CHIC2: variants seen among roughly 807,000 people sequenced by gnomAD.
CHIC2 encodes cysteine rich hydrophobic domain 2, also known as cysteine-rich hydrophobic domain-containing protein 2.
Under a neutral mutation model 25.9 loss-of-function variants are expected in CHIC2, and 14 were observed. That is an observed-to-expected ratio of 0.54 (90% CI 0.36 to 0.85). CHIC2 has a LOEUF of 0.85. Among genes scored for constraint, CHIC2 ranks in the 40% least tolerant of loss-of-function variants. CHIC2 has a pLI of 0.01. For missense variants in CHIC2, 146 were observed against 202.0 expected (o/e 0.72, Z 1.68); for synonymous variants, 70 against 72.0 (o/e 0.97, Z 0.14).
intron 3 of CHIC2, among the ~76,000 whole-genome samples, chr4:54,024,237 T>G (rs1258229881): frequency 3.3e-5 from 5 of 152,176 alleles, no homozygotes; most frequent in Non-Finnish European, 5.9e-5. Context: ...ACCTCTTCCA[T>G]GTAGGTTACA....
At chr4:54,042,836 A>C (rs1202296234) in intron 3 of CHIC2, among the ~76,000 whole-genome samples, 3 of 152,256 alleles carry the variant, frequency 2.0e-5, no homozygotes, top group Non-Finnish European at 4.4e-5. Flanking sequence ...TTCTATTACA[A>C]AGGCATTAAC....
intron 3 of CHIC2, 193 bp downstream of exon 3, chr4:54,048,762 T>G (rs989524230): frequency 4.7e-6 from 2 of 427,194 alleles, no homozygotes; most frequent in Non-Finnish European, 8.2e-6. Flanking sequence ...TAAATATAAT[T>G]TTTAGATGGC....
intron 3 of CHIC2, 83 bp from the exon 4 acceptor site, chr4:54,014,202 G>T (rs1450337621): frequency 1.7e-6 from 2 of 1,145,022 alleles, no homozygotes; most frequent in African/African-American, 3.0e-5. Flanking sequence ...GTGAAAAGGG[G>T]AGAGGTATAA....
intron 1 of CHIC2, among the ~76,000 whole-genome samples, chr4:54,056,302 A>G (rs972110363): frequency 6.6e-6 from 1 of 152,208 alleles, no homozygotes; most frequent in African/African-American, 2.4e-5. Flanking sequence ...TCTGAACTAC[A>G]GAAAAAAGAT....
the CHIC2 span, among the ~76,000 whole-genome samples, chr4:54,090,517 A>G: frequency 6.6e-6 from 1 of 152,124 alleles, no homozygotes; most frequent in Non-Finnish European, 1.5e-5. Context: ...TAATCCCTTA[A>G]ATTTTGTAGC....
chr4:54,060,464 A>C (rs1373074287), intron 1 of CHIC2: 1 of 152,170 alleles, frequency 6.6e-6, no homozygotes, highest in Non-Finnish European at 1.5e-5. Flanking sequence ...ATAGGGCTTG[A>C]GTTAGAAGTC....
At chr4:54,048,882 A>T in intron 3 of CHIC2, 73 bp downstream of exon 3, 2 of 1,269,378 alleles carry the variant, frequency 1.6e-6, no homozygotes, top group Non-Finnish European at 2.1e-6. Context: ...CAATACAAAA[A>T]ATAAAAACTA....
chr4:54,083,379 C>A, the CHIC2 span, among the ~76,000 whole-genome samples: 1 of 152,160 alleles, frequency 6.6e-6, no homozygotes, highest in Non-Finnish European at 1.5e-5. Context: ...CAAAAATTTC[C>A]TCTTGGCTAT....
the CHIC2 span, among the ~76,000 whole-genome samples, chr4:54,079,964 C>T: frequency 1.3e-5 from 2 of 151,748 alleles, no homozygotes; most frequent in African/African-American, 4.8e-5. Flanking sequence ...AAAAATAGAA[C>T]TCCTATATGA....
intron 3 of CHIC2, among the ~76,000 whole-genome samples, chr4:54,022,987 C>A (rs912845219): frequency 6.6e-6 from 1 of 152,126 alleles, no homozygotes; most frequent in Non-Finnish European, 1.5e-5. Flanking sequence ...CCCTGTGGTG[C>A]CAAACCCATA....
intron 3 of CHIC2, among the ~76,000 whole-genome samples, chr4:54,027,210 A>C (rs1013086913): frequency 1.3e-5 from 2 of 152,200 alleles, no homozygotes; most frequent in African/African-American, 4.8e-5. Flanking sequence ...ATAGGTGCAA[A>C]TCCTTCTATA....
chr4:54,024,800 CCTT>C (rs1716005756), intron 3 of CHIC2, among the ~76,000 whole-genome samples: 2 of 152,188 alleles, frequency 1.3e-5, no homozygotes, highest in Admixed American at 6.5e-5. Context: ...CTGTTTTTCT[CCTT>C]CTTTTATTCA....
chr4:54,042,690 G>A (rs1464805774), intron 3 of CHIC2, among the ~76,000 whole-genome samples: 2 of 151,698 alleles, frequency 1.3e-5, no homozygotes, highest in African/African-American at 2.4e-5. Flanking sequence ...CTACAAGAGC[G>A]ACAAAATCAA....
chr4:54,025,705 A>T (rs1716038029), intron 3 of CHIC2, among the ~76,000 whole-genome samples: 1 of 151,992 alleles, frequency 6.6e-6, no homozygotes, highest in African/African-American at 2.4e-5. Context: ...CAAAAATTAC[A>T]AAAATCAGCC....
At chr4:54,048,817 C>T (rs1294139717) in intron 3 of CHIC2, 138 bp downstream of exon 3, 14 of 665,476 alleles carry the variant, frequency 2.1e-5, no homozygotes, top group Admixed American at 1.1e-4. Context: ...TACTGACTCA[C>T]TCCTCTCCTG....
intron 3 of CHIC2, among the ~76,000 whole-genome samples, chr4:54,018,175 G>C (rs910904432): frequency 1.3e-5 from 2 of 152,006 alleles, no homozygotes; most frequent in Admixed American, 6.6e-5. Context: ...TGATTAATCA[G>C]CAATATTAGA....
chr4:54,070,428 AT>A, the CHIC2 span, among the ~76,000 whole-genome samples: 1 of 150,460 alleles, frequency 6.6e-6, no homozygotes, highest in Non-Finnish European at 1.5e-5. Context: ...GTATTTATTT[AT>A]TTATTTATTT....
chr4:54,034,762 T>C (rs1250721076), intron 3 of CHIC2, among the ~76,000 whole-genome samples: 1 of 152,186 alleles, frequency 6.6e-6, no homozygotes, highest in African/African-American at 2.4e-5. Flanking sequence ...CTGGCTAGAA[T>C]CTCCAGAATA....
rs1447987887 is a variant in CHIC2 at position 54,057,891 on chromosome 4, T to C, written c.119+6291A>G. Among the ~76,000 whole-genome samples, 6 of 152,280 alleles carry C rather than the reference T, an allele frequency of 3.9e-5. No homozygotes were observed. The East Asian group carries it at 1.2e-3, about 29-fold the overall frequency. ...TTATATGCAGTTCTAATAAGGCTGG[T>C]TGGTTGTTTTGCTTCCAAGAACAGC... On this transcript the variant is annotated intron_variant, in intron 1 of 5. Transcript: ENST00000263921.
Sources: allele counts gnomAD v4.1 joint callset (sites outside exome capture counted in the v4.1 genomes callset), GRCh38; gene constraint gnomAD v4.1.1; transcripts MANE v1.5; gene names NCBI Gene and HGNC (gene_info 2026-07-23, HGNC 2026-07-21).